Variants in FCRL1 observed in about 807,000 individuals in gnomAD.
FCRL1 encodes the protein Fc receptor-like protein 1.
Under a neutral mutation model 49.2 loss-of-function variants are expected in FCRL1, and 34 were observed. That is an observed-to-expected ratio of 0.69 (90% CI 0.53 to 0.92). The LOEUF (loss-of-function observed/expected upper bound fraction) is 0.92. Ranked by LOEUF, FCRL1 falls within the 40% of genes least tolerant of loss-of-function variation. FCRL1 has a pLI of 0.00. For synonymous variants in FCRL1, 218 were observed against 201.6 expected (o/e 1.08, Z -0.69); for missense variants, 524 against 524.1 (o/e 1.00, Z 0.00).
rs1410450369 is a variant in FCRL1, at chr1:157,802,540, G to A, written c.444C>T (p.Tyr148=). ...MGTGDITFLW[Y]KGAVGLNLQS... is the part of the protein sequence containing the mutation. ...GAAGGTTTAAACCTACAGCCCCTTT[G>A]TACCAAAGGAAGGTGATGTCTCCTG... is the stretch of plus-strand genomic sequence containing the variant. Residue 148 remains tyrosine, a synonymous_variant, in exon 4 of 11, where the codon TAC becomes TAT. Transcript: ENST00000368176. 1 of 1,614,148 alleles carries A rather than the reference G, an allele frequency of 6.2e-7. No homozygotes were observed. Among genetic ancestry groups the A allele is most frequent in the Admixed American group, 1.7e-5 (1 of 60,026 alleles).
At chr1:157,800,209 T>C (rs1409936058) in intron 6 of FCRL1, 124 bp from the exon 7 acceptor site, 1 of 747,584 alleles carries the variant, frequency 1.3e-6, no homozygotes, top group African/African-American at 1.8e-5. Context: ...TGGGTGCCAC[T>C]GTGTGCCCAG....
chr1:157,807,035 C>G (rs149245045), intron 2 of FCRL1, 67 bp downstream of exon 2: 1 of 1,572,350 alleles, frequency 6.4e-7, no homozygotes, highest in African/African-American at 1.3e-5. Flanking sequence ...AATCTGCAGG[C>G]CTCCTGTGCT....
At position 157,802,089 on chromosome 1, in the gene FCRL1, T is replaced by C. The variant is rs374779175; in HGVS notation, c.712A>G (p.Ile238Val). 6 of 1,613,994 alleles carry C rather than the reference T, an allele frequency of 3.7e-6. No homozygotes were observed. The highest frequency in any genetic ancestry group is 3.3e-5 in the Admixed American group (2 of 59,988). The change falls in exon 5 of 11, where the codon ATC (isoleucine) becomes GTC (valine). Residue 238 changes from isoleucine (I) to valine (V), a missense_variant. Coordinates refer to ENST00000368176, the MANE Select transcript of FCRL1 (RefSeq NM_052938.5). Reference sequence around the variant, plus strand: ...TCCTCGTGATAAAACCAGTACAGGATCGGAGGAGAGCCTCTCAGGGCCTCA... The same window carrying C: ...TCCTCGTGATAAAACCAGTACAGGACCGGAGGAGAGCCTCTCAGGGCCTCA... ...HCEALRGSPP[I>V]LYWFYHEDIT...
chr1:157,804,132 C>T (rs368357931), intron 2 of FCRL1, 21 bp from the exon 3 acceptor site: 55 of 1,611,262 alleles, frequency 3.4e-5, no homozygotes, highest in Non-Finnish European at 4.1e-5. Context: ...GAATTAAACA[C>T]AAATGATTAA....
Position 157,798,140 on chromosome 1 carries a change from G to A in FCRL1, c.1114+21C>T, listed in dbSNP as rs774649538. The stretch of plus-strand genomic sequence containing the variant: ...TAGCTTGCTGTACCATCGTTGGCCT[G>A]GGCCATTTGGGAAGGCTCACCATTT... On this transcript the variant is annotated intron_variant, in intron 8 of 10. Transcript: ENST00000368176. The A allele has an allele frequency of 6.9e-6, 11 of 1,603,934 alleles. 1 individual carries two copies. The South Asian group carries it at 1.1e-4, about 16-fold the overall frequency.
intron 2 of FCRL1, among the ~76,000 whole-genome samples, chr1:157,805,127 C>T (rs1282983027): frequency 6.6e-6 from 1 of 152,138 alleles, no homozygotes; most frequent in Non-Finnish European, 1.5e-5. Context: ...TCCCAAGGTA[C>T]TGAGTACAGG....
rs1207342530 is a variant in FCRL1, at chr1:157,795,756, C to G, written c.*343G>C. The G allele has an allele frequency of 9.2e-6, 2 of 216,690 alleles. No homozygotes were observed. The highest frequency in any genetic ancestry group is 1.9e-5 in the Non-Finnish European group (2 of 106,070). The allele number at this position is 216,690 out of a possible 1,614,324, so 13.4% of individuals were successfully genotyped here. On this transcript the variant is annotated 3_prime_UTR_variant, in exon 11 of 11. Coordinates refer to ENST00000368176, the MANE Select transcript of FCRL1 (RefSeq NM_052938.5). ...GTCACTAACCTTGAGTTCATGTGCT[C>G]TAAGCTTCACTGTCCCTCCAACCCA...
intron 1 of FCRL1, among the ~76,000 whole-genome samples, chr1:157,818,826 T>A (rs1275416962): frequency 6.6e-6 from 1 of 152,202 alleles, no homozygotes; most frequent in Non-Finnish European, 1.5e-5. Flanking sequence ...TGAATAATAT[T>A]TCAATAAAGC....
intron 6 of FCRL1, 125 bp from the exon 7 acceptor site, chr1:157,800,210 G>A (rs1652216717): frequency 2.7e-6 from 2 of 738,836 alleles, no homozygotes; most frequent in Non-Finnish European, 4.4e-6. Flanking sequence ...GGGTGCCACT[G>A]TGTGCCCAGC....
At position 157,795,048 on chromosome 1, in the gene FCRL1, G is replaced by A. The variant is rs1313849134; in HGVS notation, c.*1051C>T. ...AGTTAACATTTGTGTTAACTTACAG[G>A]AAAGACTTTAACTTTTTACTTTATA... On this transcript the variant is annotated 3_prime_UTR_variant, in exon 11 of 11. Transcript: ENST00000368176. The A allele has an allele frequency of 6.6e-6, 1 of 152,146 alleles. No individual in the cohort carries two copies. The highest frequency in any genetic ancestry group is 2.4e-5 in the African/African-American group (1 of 41,432). 9.4% of individuals were successfully genotyped at this position (152,146 alleles called of 1,614,324 possible). A position where few individuals can be genotyped will look rare whatever the true frequency, so the allele number is the denominator to read the frequency against.
At chr1:157,809,014 T>A (rs956739408) in intron 1 of FCRL1, among the ~76,000 whole-genome samples, 1 of 152,124 alleles carries the variant, frequency 6.6e-6, no homozygotes, top group Non-Finnish European at 1.5e-5. Flanking sequence ...GATCAAGAGA[T>A]CTGTTTGAGT....
intron 1 of FCRL1, among the ~76,000 whole-genome samples, chr1:157,815,369 A>T (rs1289054752): frequency 6.6e-6 from 1 of 151,994 alleles, no homozygotes; most frequent in Non-Finnish European, 1.5e-5. Flanking sequence ...TCAATGAAAA[A>T]TAATTCAAAG....
In FCRL1 at chr1:157,795,975, C is replaced by T; in HGVS notation, c.*124G>A. On this transcript the variant is annotated 3_prime_UTR_variant, in exon 11 of 11. Coordinates refer to ENST00000368176, the MANE Select transcript of FCRL1 (RefSeq NM_052938.5). ...CTTCACAGTAGATGAAGGAATAGTG[C>T]CATGGAGAATGGCATCCAGAAGAGG... The T allele has an allele frequency of 1.2e-6, 1 of 814,652 alleles. No homozygotes were observed. Among genetic ancestry groups the T allele is most frequent in the South Asian group, 1.5e-5 (1 of 65,402 alleles). 50.5% of individuals were successfully genotyped at this position (814,652 alleles called of 1,614,324 possible).
intron 9 of FCRL1, 192 bp downstream of exon 9, chr1:157,797,676 A>G (rs1406777463): frequency 2.1e-6 from 3 of 1,433,876 alleles, no homozygotes; most frequent in Admixed American, 4.0e-5. Context: ...GGGGAAAGAA[A>G]GAACCTTAGC....
intron 1 of FCRL1, among the ~76,000 whole-genome samples, 163 bp from the exon 2 acceptor site, chr1:157,807,285 CCTT>C (rs1358380901): frequency 1.3e-5 from 2 of 152,086 alleles, no homozygotes; most frequent in Non-Finnish European, 2.9e-5. Flanking sequence ...TTCTCCCCTT[CCTT>C]CTTTCATCTT....
At chr1:157,800,728 AT>A (rs760522700) in intron 6 of FCRL1, among the ~76,000 whole-genome samples, 23 of 152,316 alleles carry the variant, frequency 1.5e-4, no homozygotes, top group Non-Finnish European at 2.8e-4. Flanking sequence ...GTAAGTGAAC[AT>A]GTGGATGTGT....
At chr1:157,796,997 C>T (rs910309823) in intron 10 of FCRL1, 104 bp downstream of exon 10, 1 of 1,063,286 alleles carries the variant, frequency 9.4e-7, no homozygotes. Flanking sequence ...AGAGGTAGAC[C>T]ATGGGATTTT....
chr1:157,815,196 T>C (rs981464127), intron 1 of FCRL1, among the ~76,000 whole-genome samples: 6 of 151,964 alleles, frequency 3.9e-5, no homozygotes, highest in African/African-American at 1.4e-4. Context: ...GGATAGATCA[T>C]ATTTGAGGAA....
intron 1 of FCRL1, among the ~76,000 whole-genome samples, chr1:157,812,609 G>C (rs970161623): frequency 1.6e-4 from 24 of 152,162 alleles, no homozygotes; most frequent in Non-Finnish European, 1.2e-4. Context: ...AACCTTGCCT[G>C]TTGGGCCTGA....
Sources: allele counts gnomAD v4.1 joint callset (sites outside exome capture counted in the v4.1 genomes callset), GRCh38; gene constraint gnomAD v4.1.1; transcripts MANE v1.5; gene names NCBI Gene and HGNC (gene_info 2026-07-23, HGNC 2026-07-21).